The following COL4A6 variants were observed in gnomAD, a reference collection of about 807,000 sequenced individuals.
The protein encoded by COL4A6 is collagen type IV alpha 6 chain, also known as collagen alpha-6(IV) chain.
A neutral mutation model predicts 126.7 loss-of-function variants in COL4A6; 59 were observed. That is an observed-to-expected ratio of 0.47 (90% CI 0.38 to 0.58). The LOEUF (loss-of-function observed/expected upper bound fraction) is 0.58, where lower values mean the gene tolerates loss of function less well. Ranked by LOEUF, COL4A6 falls within the 20% of genes least tolerant of loss-of-function variation. The probability of loss-of-function intolerance (pLI) is 0.00; values close to 1 mark genes in which losing one functional copy is unlikely to be tolerated. For missense variants in COL4A6, 1,285 were observed against 1,337.3 expected (o/e 0.96, Z 0.61); for synonymous variants, 547 against 496.6 (o/e 1.10, Z -1.35).
At chrX:108,406,937 TGGAA>T (rs1235581575) in intron 2 of COL4A6, among the ~76,000 whole-genome samples, 1 of 111,521 alleles carries the variant, frequency 9.0e-6, no homozygotes, top group African/African-American at 3.3e-5. Flanking sequence ...ATAATGATTG[TGGAA>T]GGAAGGAAGA....
Position 108,387,025 on chromosome X carries a change from T to C in COL4A6, c.63+50917A>G, listed in dbSNP as rs1395370993. On this transcript the variant is annotated intron_variant, in intron 2 of 44. Coordinates refer to ENST00000334504, the MANE Select transcript of COL4A6 (RefSeq NM_033641.4). ...TGGTTTGTCAAAGATCAGATGCTTGTAGATATGTGGTGTTATTTCTGAGGC... is the reference window on the plus strand; with the variant it reads ...TGGTTTGTCAAAGATCAGATGCTTGCAGATATGTGGTGTTATTTCTGAGGC... 3.6e-5 allele frequency among the ~76,000 whole-genome samples: 4 copies of C among 111,895 alleles called. No homozygotes were observed. The East Asian group carries it at 1.1e-3, about 31-fold the overall frequency.
At chrX:108,203,332 AT>A (rs1240249812) in intron 12 of COL4A6, among the ~76,000 whole-genome samples, 4 of 112,339 alleles carry the variant, frequency 3.6e-5, no homozygotes, top group Non-Finnish European at 7.5e-5. Context: ...CAGCAGAGAA[AT>A]CCATAGTTTT....
intron 2 of COL4A6, among the ~76,000 whole-genome samples, chrX:108,311,459 G>A (rs1335503574): frequency 1.8e-5 from 2 of 109,933 alleles, no homozygotes; most frequent in Non-Finnish European, 3.8e-5. Context: ...TTTCTGCAAG[G>A]CCCCCACATG....
At chrX:108,328,693 T>A (rs778254733) in intron 2 of COL4A6, among the ~76,000 whole-genome samples, 1 of 112,239 alleles carries the variant, frequency 8.9e-6, no homozygotes, top group Non-Finnish European at 1.9e-5. Flanking sequence ...AACTACTTCA[T>A]GATCTGGCAA....
At chrX:108,394,278 T>G (rs60890545) in intron 2 of COL4A6, among the ~76,000 whole-genome samples, 7,501 of 107,122 alleles carry the variant, frequency 0.07, 650 homozygotes, top group African/African-American at 0.22. Context: ...CCTGTCGGGG[T>G]GTAGGGGTCT....
At chrX:108,388,006 G>C (rs1483497529) in intron 2 of COL4A6, among the ~76,000 whole-genome samples, 1 of 111,944 alleles carries the variant, frequency 8.9e-6, no homozygotes, top group Non-Finnish European at 1.9e-5. Context: ...CTGTTTATGT[G>C]ATGGATTACA....
Position 108,383,297 on chromosome X carries a change from T to C in COL4A6, c.63+54645A>G, listed in dbSNP as rs1056901940. ...GTTGCTAGAGAAAAATAGGGACATT[T>C]TATCATGATGAAAGGGTCAACCCAT... is the stretch of plus-strand genomic sequence containing the variant. On this transcript the variant is annotated intron_variant, in intron 2 of 44. Transcript: ENST00000334504. 3.9e-5 allele frequency: 7 copies of C among 177,729 alleles called. 1 individual carries two copies. Among genetic ancestry groups the C allele is most frequent in the Admixed American group, 7.6e-5 (1 of 13,116 alleles). The allele number at this position is 177,729 out of a possible 1,213,427, so 14.6% of individuals were successfully genotyped here. A position where few individuals can be genotyped will look rare whatever the true frequency, so the allele number is the denominator to read the frequency against.
Position 108,310,806 on chromosome X carries a change from G to C in COL4A6, c.86C>G (p.Pro29Arg). Residue 29 changes from proline (P) to arginine (R), a missense_variant, in exon 3 of 45, where the codon CCA becomes CGA. Pro to Arg is a moderately radical substitution (Grantham distance 103). Transcript: ENST00000334504. ...CCCACTGCAGTCCTGGCCCCCACAT[G>C]GCTTTCCATAAGACTTCTCTCCCTA... is the stretch of plus-strand genomic sequence containing the variant. Reference protein sequence around the residue: ...AAAGEKSYGKPCGGQDCSGSC... With the variant: ...AAAGEKSYGKRCGGQDCSGSC... The C allele has an allele frequency of 8.3e-7, 1 of 1,208,057 alleles. No individual in the cohort carries two copies. The highest frequency in any genetic ancestry group is 1.1e-6 in the Non-Finnish European group (1 of 893,084).
At chrX:108,191,603 C>T (rs2035046626) in intron 18 of COL4A6, 70 bp from the exon 19 acceptor site, 1 of 1,103,466 alleles carries the variant, frequency 9.1e-7, no homozygotes, top group African/African-American at 1.8e-5. Context: ...CTATCTGTGG[C>T]ATATGTTGGA....
chrX:108,389,990 C>A (rs962207329), intron 2 of COL4A6, among the ~76,000 whole-genome samples: 1 of 111,646 alleles, frequency 9.0e-6, no homozygotes. Context: ...ACTTATGAAG[C>A]TTAGTTTGGC....
At chrX:108,348,558 T>A (rs754527197) in intron 2 of COL4A6, among the ~76,000 whole-genome samples, 2 of 112,254 alleles carry the variant, frequency 1.8e-5, no homozygotes, top group Non-Finnish European at 3.8e-5. Flanking sequence ...TAAAACTATT[T>A]TTTTGGTAGT....
intron 2 of COL4A6, among the ~76,000 whole-genome samples, chrX:108,320,910 C>T (rs981172554): frequency 2.7e-5 from 3 of 111,770 alleles, no homozygotes; most frequent in Non-Finnish European, 3.8e-5. Flanking sequence ...ACGTATGCAA[C>T]ATTACAATGA....
intron 27 of COL4A6, among the ~76,000 whole-genome samples, chrX:108,177,703 C>T (rs2034543964): frequency 8.0e-5 from 9 of 112,126 alleles, no homozygotes; most frequent in Admixed American, 5.7e-4. Flanking sequence ...AATTAAAAAA[C>T]GAAAGGATTA....
intron 3 of COL4A6, among the ~76,000 whole-genome samples, chrX:108,279,172 G>T (rs1468159973): frequency 9.0e-6 from 1 of 111,491 alleles, no homozygotes; most frequent in Non-Finnish European, 1.9e-5. Flanking sequence ...TGAACTAAAT[G>T]CTCCAATTAA....
intron 3 of COL4A6, among the ~76,000 whole-genome samples, chrX:108,251,243 C>T (rs1037587829): frequency 2.7e-5 from 3 of 111,744 alleles, no homozygotes; most frequent in Non-Finnish European, 5.7e-5. Flanking sequence ...ACAAAAATTG[C>T]TATCAATCAA....
intron 2 of COL4A6, among the ~76,000 whole-genome samples, chrX:108,315,719 T>C (rs1302939916): frequency 1.8e-5 from 2 of 111,799 alleles, no homozygotes; most frequent in Non-Finnish European, 3.8e-5. Context: ...AACCATCTTT[T>C]TGGTGAAGAC....
chrX:108,298,188 GA>G (rs1328671691), intron 3 of COL4A6, among the ~76,000 whole-genome samples: 2 of 111,788 alleles, frequency 1.8e-5, no homozygotes, highest in South Asian at 3.9e-4. Flanking sequence ...TGGGGGGAAT[GA>G]GGGGGGTGTT....
In COL4A6 at chrX:108,159,633, G is replaced by A. The variant is rs776767877; in HGVS notation, c.4641C>T (p.Thr1547=). The change falls in exon 44 of 45, where the codon ACC becomes ACT. Residue 1547 remains threonine (T), a synonymous_variant. Transcript: ENST00000334504. ...RNDKSYWLST[T]APIPMMPVSQ... is the part of the protein sequence containing the mutation. ...TGACGGGCATCATGGGGATAGGGGC[G>A]GTAGTGGAGAGCCAGTAAGATTTAT... 2.3e-5 allele frequency: 28 copies of A among 1,210,863 alleles called. No homozygotes were observed. Among genetic ancestry groups the A allele is most frequent in the Non-Finnish European group, 2.9e-5 (26 of 895,423 alleles).
At position 108,282,332 on chromosome X, in the gene COL4A6, C is replaced by T. The variant is rs778813860; in HGVS notation, c.144+28416G>A. Among the ~76,000 whole-genome samples, 330 of 106,149 alleles carry T rather than the reference C, an allele frequency of 3.1e-3. 1 individual carries two copies. The highest frequency in any genetic ancestry group is 0.01 in the African/African-American group (301 of 29,183). The allele number at this position is 106,149 out of a possible 115,157, so 92.2% of individuals were successfully genotyped here. ...ACAAACAACCCCATCAAAAAGTGGGCGAAGGACATGAACAGACACTTCTCA... is the reference window on the plus strand; with the variant it reads ...ACAAACAACCCCATCAAAAAGTGGGTGAAGGACATGAACAGACACTTCTCA... On this transcript the variant is annotated intron_variant, in intron 3 of 44. Transcript: ENST00000334504.
Sources: allele counts gnomAD v4.1 joint callset (sites outside exome capture counted in the v4.1 genomes callset), GRCh38; gene constraint gnomAD v4.1.1; transcripts MANE v1.5; gene names NCBI Gene and HGNC (gene_info 2026-07-23, HGNC 2026-07-21).